ADGRV1: variants seen among roughly 807,000 people sequenced by gnomAD.
ADGRV1 encodes G-protein coupled receptor 98.
Under a neutral mutation model 596.2 loss-of-function variants are expected in ADGRV1, and 359 were observed. That is an observed-to-expected ratio of 0.60 (90% CI 0.55 to 0.66). The LOEUF (loss-of-function observed/expected upper bound fraction) is 0.66, where lower values mean the gene tolerates loss of function less well. Among genes scored for constraint, ADGRV1 ranks in the 30% least tolerant of loss-of-function variants. ADGRV1 has a pLI of 0.00. For synonymous variants in ADGRV1, 2,681 were observed against 2,679.2 expected (o/e 1.00, Z -0.02); for missense variants, 7,274 against 7,575.6 (o/e 0.96, Z 1.48).
intron 87 of ADGRV1, among the ~76,000 whole-genome samples, chr5:91,115,808 A>T (rs1792797347): frequency 6.6e-6 from 1 of 152,128 alleles, no homozygotes. Flanking sequence ...TTAGCTGGAC[A>T]TGGTGGTGGG....
At position 90,681,472 on chromosome 5, in the gene ADGRV1, C is replaced by T. The variant is rs1192467711; in HGVS notation, c.5664+18C>T. On this transcript the variant is annotated intron_variant, in intron 27 of 89. Coordinates refer to ENST00000405460, the MANE Select transcript of ADGRV1 (RefSeq NM_032119.4). ...CATTAAATGTGAGTACCTTTTCTTC[C>T]TTCATTCCTAGACACTTTCTGTTGT... is the stretch of plus-strand genomic sequence containing the variant. 5 of 1,598,730 alleles carry T rather than the reference C, an allele frequency of 3.1e-6. No homozygotes were observed. Among genetic ancestry groups the T allele is most frequent in the Non-Finnish European group, 3.4e-6 (4 of 1,169,900 alleles).
At chr5:90,866,511 A>C (rs1353947197) in intron 83 of ADGRV1, among the ~76,000 whole-genome samples, 5 of 151,976 alleles carry the variant, frequency 3.3e-5, no homozygotes, top group Non-Finnish European at 4.4e-5. Flanking sequence ...CCTTAAATTT[A>C]TCGATCTCTC....
chr5:90,975,911 G>A (rs1224772057), intron 84 of ADGRV1, among the ~76,000 whole-genome samples: 1 of 151,754 alleles, frequency 6.6e-6, no homozygotes, highest in Non-Finnish European at 1.5e-5. Context: ...TTGACAGTAA[G>A]AATTTAAAAT....
intron 1 of ADGRV1, among the ~76,000 whole-genome samples, chr5:90,595,369 C>T (rs1433476491): frequency 2.3e-5 from 1 of 43,442 alleles, no homozygotes. Context: ...CCGGACGGGG[C>T]GGCTGGCCGG....
chr5:91,162,422 G>A (rs1317149996), intron 89 of ADGRV1, among the ~76,000 whole-genome samples: 1 of 152,112 alleles, frequency 6.6e-6, no homozygotes, highest in Non-Finnish European at 1.5e-5. Flanking sequence ...GCATAAGAAC[G>A]TCGTGTGAAA....
At chr5:90,865,650 T>A (rs1310059512) in intron 83 of ADGRV1, among the ~76,000 whole-genome samples, 1 of 152,168 alleles carries the variant, frequency 6.6e-6, no homozygotes, top group African/African-American at 2.4e-5. Context: ...TAGCTCTTTT[T>A]TGGCAGGAAG....
At chr5:90,645,182 C>T (rs927750772) in intron 15 of ADGRV1, among the ~76,000 whole-genome samples, 1 of 152,188 alleles carries the variant, frequency 6.6e-6, no homozygotes, top group African/African-American at 2.4e-5. Context: ...TATCAAGTGT[C>T]CTGTGGTGCA....
chr5:90,964,488 C>G (rs751261629), intron 83 of ADGRV1, among the ~76,000 whole-genome samples: 12 of 151,712 alleles, frequency 7.9e-5, no homozygotes, highest in African/African-American at 2.9e-4. Flanking sequence ...CCAAGTTTCC[C>G]CCTGCCATCT....
At chr5:90,947,690 G>A (rs1208138113) in intron 83 of ADGRV1, among the ~76,000 whole-genome samples, 1 of 152,054 alleles carries the variant, frequency 6.6e-6, no homozygotes, top group Non-Finnish European at 1.5e-5. Flanking sequence ...CTGAAATAGG[G>A]TGAGGAAGGT....
intron 85 of ADGRV1, among the ~76,000 whole-genome samples, chr5:91,018,305 T>A (rs1244666986): frequency 6.6e-6 from 1 of 152,082 alleles, no homozygotes; most frequent in South Asian, 2.1e-4. Flanking sequence ...CAGCTCCAGA[T>A]GAATTTCTCA....
chr5:90,598,531 G>A lies in ADGRV1; in HGVS notation c.23-16304G>A, dbSNP rs73179740. The stretch of plus-strand genomic sequence containing the variant: ...GTGCTGACCCGTGCCAGGAGTTGGG[G>A]CTAGCGAGGCACATGGGACACAGCC... On this transcript the variant is annotated intron_variant, in intron 1 of 89. Transcript: ENST00000405460. Among the ~76,000 whole-genome samples the A allele has an allele frequency of 8.7e-3, 1,320 of 152,300 alleles. 12 individuals carry two copies. The highest frequency in any genetic ancestry group is 0.024 in the Middle Eastern group (7 of 294).
intron 78 of ADGRV1, among the ~76,000 whole-genome samples, chr5:90,843,217 A>G (rs1180365630): frequency 6.6e-6 from 1 of 152,160 alleles, no homozygotes; most frequent in African/African-American, 2.4e-5. Context: ...AACTTTCCTG[A>G]AAAAGAAGAA....
intron 83 of ADGRV1, among the ~76,000 whole-genome samples, chr5:90,898,248 G>C (rs558132357): frequency 2.0e-5 from 3 of 152,178 alleles, no homozygotes; most frequent in Non-Finnish European, 4.4e-5. Flanking sequence ...TTTGCAAAGA[G>C]AAAATAATGG....
At chr5:90,620,106 G>T (rs1265325721) in intron 4 of ADGRV1, among the ~76,000 whole-genome samples, 1 of 151,960 alleles carries the variant, frequency 6.6e-6, no homozygotes, top group Non-Finnish European at 1.5e-5. Context: ...AATCCTTTGG[G>T]TATATACCCA....
At chr5:91,021,547 C>G (rs1367452056) in intron 85 of ADGRV1, among the ~76,000 whole-genome samples, 1 of 152,086 alleles carries the variant, frequency 6.6e-6, no homozygotes, top group African/African-American at 2.4e-5. Context: ...TAAGCCCACA[C>G]AGTGAACCAG....
At chr5:91,017,358 A>T (rs1783257278) in intron 85 of ADGRV1, among the ~76,000 whole-genome samples, 1 of 151,934 alleles carries the variant, frequency 6.6e-6, no homozygotes, top group Admixed American at 6.6e-5. Context: ...CAAAAAAAAA[A>T]TGATAAATTT....
intron 85 of ADGRV1, among the ~76,000 whole-genome samples, chr5:91,002,335 G>T (rs1247595582): frequency 1.3e-5 from 2 of 152,120 alleles, no homozygotes; most frequent in Non-Finnish European, 2.9e-5. Flanking sequence ...TTTAAAAACA[G>T]TTTGCAGCTC....
rs532069152 is a variant in ADGRV1, at chr5:91,161,298, C to T, written c.18803-2484C>T. 3.9e-5 allele frequency among the ~76,000 whole-genome samples: 6 copies of T among 152,260 alleles called. No homozygotes were observed. In the South Asian group the frequency reaches 8.3e-4, roughly 21 times the overall value. On this transcript the variant is annotated intron_variant, in intron 89 of 89. Transcript: ENST00000405460. ...AGAGAAGCATGGGCCATTTGTCCTT[C>T]GAAGGCCTGGAAGTAGACACAAATG...
intron 85 of ADGRV1, among the ~76,000 whole-genome samples, chr5:91,063,629 A>G (rs1787640941): frequency 6.6e-6 from 1 of 152,222 alleles, no homozygotes. Context: ...TTCTGATGTT[A>G]GTTCTGTTTA....
Sources: gnomAD v4.1 joint callset for allele counts (sites outside exome capture counted in the v4.1 genomes callset) on GRCh38, gnomAD v4.1.1 for gene constraint, MANE v1.5 for transcripts, NCBI Gene and HGNC (gene_info 2026-07-23, HGNC 2026-07-21) for gene names.